Variants in TTLL5 observed in about 807,000 individuals in gnomAD.
The protein encoded by TTLL5 is tubulin polyglutamylase TTLL5.
A neutral mutation model predicts 168.4 loss-of-function variants in TTLL5; 132 were observed. The ratio of observed to expected loss-of-function variants is 0.78; its 90% CI spans 0.68 to 0.91. The LOEUF (loss-of-function observed/expected upper bound fraction) is 0.91, where lower values mean the gene tolerates loss of function less well. Among genes scored for constraint, TTLL5 ranks in the 40% least tolerant of loss-of-function variants. The pLI is 0.00. For synonymous variants in TTLL5, 546 were observed against 558.6 expected (o/e 0.98, Z 0.32); for missense variants, 1,545 against 1,581.5 (o/e 0.98, Z 0.39).
chr14:75,712,423 TC>T (rs1162030847), intron 9 of TTLL5: 1 of 143,780 alleles, frequency 7.0e-6, no homozygotes, highest in Non-Finnish European at 1.5e-5. Flanking sequence ...ATGTTAAGCT[TC>T]TACATCTAGA....
intron 17 of TTLL5, among the ~76,000 whole-genome samples, chr14:75,746,104 A>T (rs1889591723): frequency 6.6e-6 from 1 of 152,200 alleles, no homozygotes; most frequent in African/African-American, 2.4e-5. Flanking sequence ...GGCTTCAGAC[A>T]TTATGACCTG....
At chr14:75,753,477 C>T (rs545126265) in intron 18 of TTLL5, among the ~76,000 whole-genome samples, 1 of 152,318 alleles carries the variant, frequency 6.6e-6, no homozygotes, top group African/African-American at 2.4e-5. Flanking sequence ...GTCCCACATA[C>T]TTTTGTAGCC....
chr14:75,899,938 CTTTT>C lies in TTLL5; in HGVS notation c.3741-2188_3741-2185del, dbSNP rs34675657. On this transcript the variant is annotated intron_variant, in intron 30 of 31. Coordinates refer to ENST00000298832, the MANE Select transcript of TTLL5 (RefSeq NM_015072.5). Reference sequence around the variant, plus strand: ...CCCAAAGATTTTGCCGGCTTCTTCCCTTTTTTTTTTTTTTTTTTTAAACCACTAA... The same window carrying C: ...CCCAAAGATTTTGCCGGCTTCTTCCCTTTTTTTTTTTTTTTAAACCACTAA... Among the ~76,000 whole-genome samples the C allele has an allele frequency of 7.4e-3, 1,065 of 144,008 alleles. 2 individuals are homozygous for C. The highest frequency in any genetic ancestry group is 0.011 in the African/African-American group (430 of 38,954). 94.5% of individuals were successfully genotyped at this position (144,008 alleles called of 152,430 possible).
chr14:75,922,139 A>T (rs1481135711), intron 31 of TTLL5, among the ~76,000 whole-genome samples: 1 of 149,752 alleles, frequency 6.7e-6, no homozygotes, highest in East Asian at 2.0e-4. Flanking sequence ...TTGGGCTGAG[A>T]CGATGGGGTT....
rs574024233 is a variant in TTLL5, at chr14:75,939,706, C to A, written c.3824-14718C>A. On this transcript the variant is annotated intron_variant, in intron 31 of 31. Transcript: ENST00000298832. ...GCCCAGCTGGACCATTTACTTCTCACCTTCTTTAGGTAACTGAAAGTGCTA... is the reference window on the plus strand; with the variant it reads ...GCCCAGCTGGACCATTTACTTCTCAACTTCTTTAGGTAACTGAAAGTGCTA... Among the ~76,000 whole-genome samples the A allele has an allele frequency of 2.0e-5, 3 of 152,126 alleles. No individual in the cohort carries two copies. The East Asian group carries it at 5.8e-4, about 29-fold the overall frequency.
intron 15 of TTLL5, among the ~76,000 whole-genome samples, chr14:75,739,256 G>A (rs1487811706): frequency 6.6e-6 from 1 of 152,040 alleles, no homozygotes; most frequent in Non-Finnish European, 1.5e-5. Context: ...ACTTGCTTAC[G>A]TGACATAAAG....
At chr14:75,733,916 G>C in intron 13 of TTLL5, 73 bp from the exon 14 acceptor site, 2 of 1,424,196 alleles carry the variant, frequency 1.4e-6, no homozygotes, top group Non-Finnish European at 9.9e-7. Flanking sequence ...GCTATATTGG[G>C]ACCCATCAGA....
intron 15 of TTLL5, among the ~76,000 whole-genome samples, chr14:75,743,643 G>A (rs1889411810): frequency 1.4e-5 from 2 of 143,724 alleles, no homozygotes; most frequent in Admixed American, 7.3e-5. Flanking sequence ...GTGCAGTGGC[G>A]TGATCTCAGC....
chr14:75,760,462 A>AT (rs1358986124), intron 18 of TTLL5, among the ~76,000 whole-genome samples: 1 of 152,058 alleles, frequency 6.6e-6, no homozygotes, highest in Non-Finnish European at 1.5e-5. Context: ...ATTCTGGTAG[A>AT]TTTTTTTAAA....
chr14:75,806,405 G>T (rs1477329987), intron 27 of TTLL5, among the ~76,000 whole-genome samples: 1 of 152,150 alleles, frequency 6.6e-6, no homozygotes, highest in Non-Finnish European at 1.5e-5. Context: ...GCCTTCTGTT[G>T]TCTATAATGG....
intron 28 of TTLL5, among the ~76,000 whole-genome samples, chr14:75,853,653 TAAC>T (rs895936212): frequency 3.3e-5 from 5 of 152,200 alleles, no homozygotes; most frequent in Non-Finnish European, 7.3e-5. Context: ...CAGGAAATAA[TAAC>T]AAGAGTTTTA....
rs147662814 is a variant in TTLL5, at chr14:75,898,339, C to T, written c.3741-3803C>T. On this transcript the variant is annotated intron_variant, in intron 30 of 31. Coordinates refer to ENST00000298832, the MANE Select transcript of TTLL5 (RefSeq NM_015072.5). ...GCATCCCACTGCACTCTTATTCTCA[C>T]GCTTAAAGATACATATTTTAGGCCA... Among the ~76,000 whole-genome samples, 6 of 152,226 alleles carry T rather than the reference C, an allele frequency of 3.9e-5. No homozygotes were observed. In the Middle Eastern group the frequency reaches 0.014, roughly 345 times the overall value.
At chr14:75,814,427 G>A (rs1487030736) in intron 27 of TTLL5, 2 of 152,198 alleles carry the variant, frequency 1.3e-5, no homozygotes, top group Non-Finnish European at 2.9e-5. Context: ...TAGAGAAGTG[G>A]ATGTAGCCTG....
intron 2 of TTLL5, 131 bp from the exon 3 acceptor site, chr14:75,669,285 C>T: frequency 1.3e-6 from 1 of 786,884 alleles, no homozygotes; most frequent in African/African-American, 1.7e-5. Flanking sequence ...ATGTGATTTC[C>T]CACAGGATAT....
Position 75,753,950 on chromosome 14 carries a change from A to G in TTLL5, c.1550+995A>G, listed in dbSNP as rs531136476. ...TTTCAGTCTTTCAGCTGTGGGAAGT[A>G]TTTCCCTTATCCTTTCTTTTCTCTC... On this transcript the variant is annotated intron_variant, in intron 18 of 31. Transcript: ENST00000298832. Among the ~76,000 whole-genome samples the G allele has an allele frequency of 3.9e-5, 6 of 152,180 alleles. No homozygotes were observed. In the South Asian group the frequency reaches 1.2e-3, roughly 32 times the overall value.
At chr14:75,886,375 T>C (rs1336264354) in intron 30 of TTLL5, among the ~76,000 whole-genome samples, 2 of 152,186 alleles carry the variant, frequency 1.3e-5, no homozygotes, top group Non-Finnish European at 2.9e-5. Flanking sequence ...AAAGGTTTCA[T>C]TTTACCATCT....
intron 26 of TTLL5, among the ~76,000 whole-genome samples, chr14:75,784,066 G>C (rs1295955596): frequency 6.6e-6 from 1 of 152,104 alleles, no homozygotes; most frequent in Non-Finnish European, 1.5e-5. Context: ...GTACAATTCA[G>C]TAATTCAGTG....
intron 31 of TTLL5, among the ~76,000 whole-genome samples, chr14:75,932,640 A>G (rs2034312301): frequency 6.6e-6 from 1 of 152,230 alleles, no homozygotes; most frequent in African/African-American, 2.4e-5. Context: ...CTCCAGACTT[A>G]GTAGCTTCTA....
At chr14:75,727,467 T>C (rs978963158) in intron 12 of TTLL5, among the ~76,000 whole-genome samples, 3 of 152,178 alleles carry the variant, frequency 2.0e-5, no homozygotes, top group Admixed American at 2.0e-4. Flanking sequence ...TTACATTAAT[T>C]TCATTTATTT....
Sources: allele counts gnomAD v4.1 joint callset (sites outside exome capture counted in the v4.1 genomes callset), GRCh38; gene constraint gnomAD v4.1.1; transcripts MANE v1.5; gene names NCBI Gene and HGNC (gene_info 2026-07-23, HGNC 2026-07-21).